Variants in ELMO1 observed in about 807,000 individuals in gnomAD.
ELMO1 encodes the protein engulfment and cell motility 1.
ELMO1 carries 26 observed loss-of-function variants against 98.9 expected under a neutral mutation model. The observed-to-expected ratio is 0.26, with a 90% CI of 0.19 to 0.36. The LOEUF (loss-of-function observed/expected upper bound fraction) is 0.36. Among genes scored for constraint, ELMO1 ranks in the 10% least tolerant of loss-of-function variants. The pLI is 1.00. For missense variants in ELMO1, 627 were observed against 935.2 expected (o/e 0.67, Z 4.30); for synonymous variants, 346 against 346.0 (o/e 1.00, Z 0.00).
chr7:37,405,671 G>A (rs1438468056), intron 1 of ELMO1, among the ~76,000 whole-genome samples: 1 of 152,162 alleles, frequency 6.6e-6, no homozygotes, highest in Non-Finnish European at 1.5e-5. Context: ...ATGGGAAGGA[G>A]GGAGTCAGAA....
At chr7:37,345,775 G>C (rs536137102) in intron 1 of ELMO1, among the ~76,000 whole-genome samples, 1 of 151,772 alleles carries the variant, frequency 6.6e-6, no homozygotes, top group African/African-American at 2.4e-5. Flanking sequence ...AGATCACAAG[G>C]TCAGGAGATC....
intron 13 of ELMO1, among the ~76,000 whole-genome samples, chr7:37,173,278 G>C (rs955789061): frequency 6.6e-5 from 10 of 152,114 alleles, no homozygotes; most frequent in Admixed American, 3.9e-4. Flanking sequence ...TAGGACTGCA[G>C]GCCACCTCTT....
chr7:36,912,898 T>C (rs117857598), intron 16 of ELMO1, among the ~76,000 whole-genome samples: 7,458 of 152,306 alleles, frequency 0.049, 296 homozygotes, highest in South Asian at 0.15. Flanking sequence ...AAATATTAGT[T>C]TCCTCTGTTT....
intron 16 of ELMO1, among the ~76,000 whole-genome samples, chr7:36,969,813 T>C (rs570119212): frequency 6.6e-6 from 1 of 152,296 alleles, no homozygotes; most frequent in East Asian, 1.9e-4. Flanking sequence ...AAACAAACTC[T>C]AAATAAATCA....
At chr7:37,213,569 A>T in intron 11 of ELMO1, 112 bp from the exon 12 acceptor site, 1 of 1,008,614 alleles carries the variant, frequency 9.9e-7, no homozygotes, top group East Asian at 2.8e-5. Context: ...TAAGGAATGG[A>T]GAAGGAAGGT....
intron 16 of ELMO1, among the ~76,000 whole-genome samples, chr7:36,904,659 A>G (rs1483990340): frequency 9.9e-5 from 15 of 152,248 alleles, no homozygotes; most frequent in Non-Finnish European, 2.9e-5. Flanking sequence ...AAAAACGTTA[A>G]CCAGCAATTC....
chr7:37,248,504 T>C (rs748586750), intron 6 of ELMO1, among the ~76,000 whole-genome samples: 7 of 152,186 alleles, frequency 4.6e-5, no homozygotes, highest in Admixed American at 1.3e-4. Flanking sequence ...CCCAAGAAGG[T>C]TGGCCTCTTT....
At chr7:37,139,787 G>A (rs531028359) in intron 13 of ELMO1, among the ~76,000 whole-genome samples, 1 of 152,168 alleles carries the variant, frequency 6.6e-6, no homozygotes, top group Admixed American at 6.5e-5. Flanking sequence ...GAACAAATCT[G>A]GAGGTATCAC....
At chr7:37,380,585 ATT>A (rs1275027662) in intron 1 of ELMO1, among the ~76,000 whole-genome samples, 1 of 152,222 alleles carries the variant, frequency 6.6e-6, no homozygotes, top group African/African-American at 2.4e-5. Flanking sequence ...AATACAATGC[ATT>A]CTCACTATCA....
chr7:37,449,255 C>T (rs1031746715), upstream of ELMO1: 10 of 152,166 alleles, frequency 6.6e-5, no homozygotes, highest in Admixed American at 3.3e-4. Flanking sequence ...TAATTAACTC[C>T]GTCACCCTCA....
chr7:37,146,394 T>C (rs1787991547), intron 13 of ELMO1, among the ~76,000 whole-genome samples: 4 of 152,176 alleles, frequency 2.6e-5, no homozygotes, highest in Non-Finnish European at 1.5e-5. Context: ...TGCAAGCGCA[T>C]GTTAGGGAGC....
At chr7:36,960,364 C>T (rs1788836212) in intron 16 of ELMO1, among the ~76,000 whole-genome samples, 1 of 152,218 alleles carries the variant, frequency 6.6e-6, no homozygotes, top group Non-Finnish European at 1.5e-5. Flanking sequence ...GTTCACTGCC[C>T]TCCAGGCACA....
chr7:36,897,325 C>CGTGTGTGT (rs11267559), intron 16 of ELMO1, among the ~76,000 whole-genome samples: 177 of 46,996 alleles, frequency 3.8e-3, no homozygotes, highest in East Asian at 0.011. Context: ...AGAAAACAGA[C>CGTGTGTGT]GTGTGTGTGT....
At chr7:37,288,561 C>A (rs1160374325) in intron 4 of ELMO1, among the ~76,000 whole-genome samples, 1 of 152,162 alleles carries the variant, frequency 6.6e-6, no homozygotes, top group Non-Finnish European at 1.5e-5. Flanking sequence ...TCCCTGATAC[C>A]TTAAAGCAAT....
intron 1 of ELMO1, among the ~76,000 whole-genome samples, chr7:37,369,449 G>T (rs1378801839): frequency 6.6e-6 from 1 of 152,094 alleles, no homozygotes; most frequent in African/African-American, 2.4e-5. Context: ...TTTCAGATTA[G>T]GGATACTCAA....
rs146738976 is a variant in ELMO1, at chr7:36,979,507, G to T, written c.1437+33792C>A. On this transcript the variant is annotated intron_variant, in intron 16 of 21. Coordinates refer to ENST00000310758, the MANE Select transcript of ELMO1 (RefSeq NM_014800.11). ...CGCCTACTTTGCCCAGATATTTGAC[G>T]CTGGCTCAGGGAATCTAGGACGCGG... Among the ~76,000 whole-genome samples, 4 of 152,200 alleles carry T rather than the reference G, an allele frequency of 2.6e-5. No homozygotes were observed. In the East Asian group the frequency reaches 7.7e-4, roughly 29 times the overall value.
chr7:37,313,774 A>G (rs1799010289), intron 4 of ELMO1, among the ~76,000 whole-genome samples: 2 of 152,086 alleles, frequency 1.3e-5, no homozygotes, highest in African/African-American at 4.8e-5. Flanking sequence ...CACCTGATTC[A>G]TGGATAAAAT....
chr7:37,430,673 G>A (rs886715170), intron 1 of ELMO1, among the ~76,000 whole-genome samples: 1 of 152,228 alleles, frequency 6.6e-6, no homozygotes, highest in Non-Finnish European at 1.5e-5. Context: ...ACAGAATTTT[G>A]GAGAAGAGGT....
chr7:37,448,019 C>A (rs1562698938), intron 1 of ELMO1, among the ~76,000 whole-genome samples: 1 of 152,018 alleles, frequency 6.6e-6, no homozygotes, highest in South Asian at 2.1e-4. Flanking sequence ...GCGGAGACCC[C>A]GGTGTGTCCC....
Sources: allele counts gnomAD v4.1 joint callset (sites outside exome capture counted in the v4.1 genomes callset), GRCh38; gene constraint gnomAD v4.1.1; transcripts MANE v1.5; gene names NCBI Gene and HGNC (gene_info 2026-07-23, HGNC 2026-07-21).